SRPK2: variants seen among roughly 807,000 people sequenced by gnomAD.
SRPK2 encodes SFRS protein kinase 2.
A neutral mutation model predicts 90.8 loss-of-function variants in SRPK2; 21 were observed. The ratio of observed to expected loss-of-function variants is 0.23; its 90% CI spans 0.16 to 0.33. The LOEUF (loss-of-function observed/expected upper bound fraction) is 0.33. Among genes scored for constraint, SRPK2 ranks in the 10% least tolerant of loss-of-function variants. SRPK2 has a pLI of 1.00. For missense variants in SRPK2, 620 were observed against 869.0 expected, an observed-to-expected ratio of 0.71 and a Z score of 3.60; for synonymous variants, 288 against 311.1, an observed-to-expected ratio of 0.93 and a Z score of 0.78.
chr7:105,259,348 G>A (rs1803848342), intron 2 of SRPK2, among the ~76,000 whole-genome samples: 1 of 152,160 alleles, frequency 6.6e-6, no homozygotes, highest in Non-Finnish European at 1.5e-5. Flanking sequence ...ACCTCTTCAA[G>A]GAGACTACAA....
chr7:105,370,619 T>TC (rs1415571142), intron 2 of SRPK2, among the ~76,000 whole-genome samples: 4 of 147,824 alleles, frequency 2.7e-5, no homozygotes, highest in East Asian at 2.0e-4. Flanking sequence ...TTTCTTTCTT[T>TC]TTTTTTTTTT....
intron 2 of SRPK2, among the ~76,000 whole-genome samples, chr7:105,372,135 A>T (rs1819769318): frequency 1.1e-5 from 1 of 87,490 alleles, no homozygotes; most frequent in Admixed American, 1.2e-4. Context: ...ACTCCAACTC[A>T]TAAAAAAAAA....
chr7:105,120,112 TG>T (rs946332763), intron 15 of SRPK2, among the ~76,000 whole-genome samples: 10 of 152,250 alleles, frequency 6.6e-5, no homozygotes, highest in African/African-American at 2.4e-4. Context: ...TGATTTAGAC[TG>T]TTGATCTCAC....
chr7:105,240,012 A>G (rs888616777), intron 2 of SRPK2, among the ~76,000 whole-genome samples: 1 of 152,208 alleles, frequency 6.6e-6, no homozygotes, highest in African/African-American at 2.4e-5. Flanking sequence ...TACACTGGGC[A>G]CAACATAAAA....
At chr7:105,185,754 A>G (rs1793496542) in intron 3 of SRPK2, among the ~76,000 whole-genome samples, 1 of 152,210 alleles carries the variant, frequency 6.6e-6, no homozygotes, top group Non-Finnish European at 1.5e-5. Context: ...TAATCCAAGA[A>G]TAATTCATGC....
chr7:105,186,317 T>C (rs771085662), intron 3 of SRPK2, among the ~76,000 whole-genome samples: 5 of 152,172 alleles, frequency 3.3e-5, no homozygotes, highest in African/African-American at 9.7e-5. Flanking sequence ...TTATACCCAA[T>C]AGGTAATTAT....
At chr7:105,220,141 T>A (rs1050995891) in intron 2 of SRPK2, among the ~76,000 whole-genome samples, 1 of 152,198 alleles carries the variant, frequency 6.6e-6, no homozygotes, top group Non-Finnish European at 1.5e-5. Context: ...AAACTAAACA[T>A]AGGGAAAAAT....
intron 2 of SRPK2, among the ~76,000 whole-genome samples, chr7:105,209,199 T>A (rs1299071860): frequency 6.6e-6 from 1 of 152,224 alleles, no homozygotes; most frequent in African/African-American, 2.4e-5. Flanking sequence ...GTCCAAAGTT[T>A]AAACAAGGTG....
At chr7:105,332,242 G>A (rs1484971851) in intron 2 of SRPK2, among the ~76,000 whole-genome samples, 1 of 152,118 alleles carries the variant, frequency 6.6e-6, no homozygotes, top group Non-Finnish European at 1.5e-5. Flanking sequence ...AAAGCTGAAG[G>A]GGATGAAGCA....
intron 2 of SRPK2, chr7:105,297,372 G>C (rs1411883936): frequency 1.4e-6 from 1 of 706,652 alleles, no homozygotes; most frequent in Non-Finnish European, 1.7e-6. Flanking sequence ...TGGAAACACA[G>C]GTAGAATACA....
At chr7:105,339,136 G>A (rs1358265048) in intron 2 of SRPK2, among the ~76,000 whole-genome samples, 6 of 152,098 alleles carry the variant, frequency 3.9e-5, no homozygotes, top group African/African-American at 9.7e-5. Flanking sequence ...CCATTCTTGC[G>A]TTAATTAAGT....
intron 2 of SRPK2, among the ~76,000 whole-genome samples, chr7:105,385,609 T>A (rs79185626): frequency 0.03 from 4,534 of 152,228 alleles, 249 homozygotes; most frequent in African/African-American, 0.1. Flanking sequence ...ACTCTTACTT[T>A]TGGGTTTCTC....
chr7:105,247,272 C>T (rs1159840214), intron 2 of SRPK2, among the ~76,000 whole-genome samples: 2 of 152,116 alleles, frequency 1.3e-5, no homozygotes, highest in East Asian at 1.9e-4. Flanking sequence ...AAAAAATGAT[C>T]GGTTCTGTGG....
intron 2 of SRPK2, among the ~76,000 whole-genome samples, chr7:105,255,629 A>C (rs1163688683): frequency 1.3e-5 from 2 of 152,180 alleles, no homozygotes; most frequent in Non-Finnish European, 2.9e-5. Context: ...AATGATATCC[A>C]AGTTGAGAAA....
In SRPK2 at chr7:105,388,675, C is replaced by T. The variant is rs1326807312; in HGVS notation, c.44G>A (p.Arg15Lys). The change falls in exon 2 of 16, where the codon AGG becomes AAG. Residue 15 changes from arginine to lysine, a missense_variant. Transcript: ENST00000393651. ...KVLAIQARKR[R>K]PKREKHPKKP... is the part of the protein sequence containing the mutation. The stretch of plus-strand genomic sequence containing the variant: ...TTTCGGATGTTTCTCTCTTTTCGGC[C>T]TCCGCTTTCGGGCCTGAATGGCCAG... The T allele has an allele frequency of 6.3e-7, 1 of 1,589,270 alleles. No individual in the cohort carries two copies. Among genetic ancestry groups the T allele is most frequent in the Non-Finnish European group, 8.6e-7 (1 of 1,167,652 alleles).
intron 3 of SRPK2, chr7:105,189,157 C>T (rs1263075093): frequency 6.5e-6 from 1 of 153,978 alleles, no homozygotes; most frequent in East Asian, 1.9e-4. Flanking sequence ...TGCACTGCAT[C>T]CAACAGCAGC....
chr7:105,179,911 A>G (rs963887705), intron 3 of SRPK2, among the ~76,000 whole-genome samples: 1 of 152,056 alleles, frequency 6.6e-6, no homozygotes, highest in Admixed American at 6.6e-5. Flanking sequence ...TAAGAATTAC[A>G]AAACACTCTC....
intron 2 of SRPK2, among the ~76,000 whole-genome samples, chr7:105,355,345 A>AT (rs56868005): frequency 2.6e-4 from 38 of 146,490 alleles, no homozygotes; most frequent in African/African-American, 9.5e-4. Flanking sequence ...AAAAAAAAAA[A>AT]TTTTTTTTTC....
intron 2 of SRPK2, among the ~76,000 whole-genome samples, chr7:105,215,536 A>G (rs908253349): frequency 6.6e-6 from 1 of 152,228 alleles, no homozygotes; most frequent in Non-Finnish European, 1.5e-5. Flanking sequence ...GTGTACATGA[A>G]CACTCACAGC....
Sources: gnomAD v4.1 joint callset for allele counts (sites outside exome capture counted in the v4.1 genomes callset) on GRCh38, gnomAD v4.1.1 for gene constraint, MANE v1.5 for transcripts, NCBI Gene and HGNC (gene_info 2026-07-23, HGNC 2026-07-21) for gene names.